Variants in CCDC192 observed in about 807,000 individuals in gnomAD.
CCDC192 encodes coiled-coil domain-containing protein 192.
At chr5:127,868,092 G>T (rs1751690862) in intron 5 of CCDC192, among the ~76,000 whole-genome samples, 1 of 144,088 alleles carries the variant, frequency 6.9e-6, no homozygotes, top group African/African-American at 2.6e-5. Flanking sequence ...CCCTGTCTAT[G>T]TATACTACAT....
At chr5:127,710,616 A>G (rs1384876347) in intron 2 of CCDC192, among the ~76,000 whole-genome samples, 1 of 152,210 alleles carries the variant, frequency 6.6e-6, no homozygotes, top group Non-Finnish European at 1.5e-5. Context: ...ATCATTTGAA[A>G]TAAAACAAAC....
chr5:127,868,187 G>C (rs1475752017), intron 5 of CCDC192, among the ~76,000 whole-genome samples: 1 of 151,904 alleles, frequency 6.6e-6, no homozygotes, highest in Non-Finnish European at 1.5e-5. Context: ...CGCTACTTCT[G>C]ATACTGGAAC....
chr5:127,784,849 G>A (rs1580653945), intron 3 of CCDC192: 1 of 455,914 alleles, frequency 2.2e-6, no homozygotes, highest in East Asian at 5.5e-5. Context: ...TTTTGTTTGT[G>A]TTTTCTTGTT....
intron 3 of CCDC192, among the ~76,000 whole-genome samples, chr5:127,754,994 G>C (rs1315729514): frequency 6.6e-6 from 1 of 152,130 alleles, no homozygotes; most frequent in Non-Finnish European, 1.5e-5. Context: ...TCAGACCAGG[G>C]CTGGAACATT....
intron 6 of CCDC192, among the ~76,000 whole-genome samples, chr5:127,878,080 C>T (rs184828776): frequency 1.7e-3 from 261 of 152,324 alleles, no homozygotes; most frequent in African/African-American, 5.2e-3. Flanking sequence ...GAAACGGTGT[C>T]ACTCACCTCT....
At position 127,803,941 on chromosome 5, in the gene CCDC192, G is replaced by T. The variant is rs562831913; in HGVS notation, c.411+5779G>T. 1.8e-4 allele frequency among the ~76,000 whole-genome samples: 27 copies of T among 152,292 alleles called. No individual in the cohort carries two copies. The South Asian group carries it at 5.0e-3, about 28-fold the overall frequency. Reference sequence around the variant, plus strand: ...AATGAATCGTACAGCATGCTTAAAAGTGTAGGACAGATGAGTGAATTTTGG... The same window carrying T: ...AATGAATCGTACAGCATGCTTAAAATTGTAGGACAGATGAGTGAATTTTGG... On this transcript the variant is annotated intron_variant, in intron 5 of 6. Coordinates refer to ENST00000514853, the MANE Select transcript of CCDC192 (RefSeq NM_001317938.2).
chr5:127,812,152 C>A (rs746900337), intron 5 of CCDC192, among the ~76,000 whole-genome samples: 4 of 152,234 alleles, frequency 2.6e-5, no homozygotes, highest in Admixed American at 6.5e-5. Context: ...TTTATAAAAT[C>A]CTTAGACTGG....
At chr5:127,843,052 T>TTC (rs1750363937) in intron 5 of CCDC192, among the ~76,000 whole-genome samples, 3 of 146,262 alleles carry the variant, frequency 2.1e-5, no homozygotes, top group Non-Finnish European at 4.5e-5. Context: ...TTTTTTTTTT[T>TTC]GAGATGGAGT....
chr5:127,925,609 GATAAAA>G (rs1023133430), intron 6 of CCDC192, among the ~76,000 whole-genome samples: 25 of 152,134 alleles, frequency 1.6e-4, no homozygotes, highest in African/African-American at 6.0e-4. Context: ...AAAAAAAGTT[GATAAAA>G]ATAAAGTTAG....
At chr5:127,719,524 T>C (rs372654071) in intron 2 of CCDC192, among the ~76,000 whole-genome samples, 46,074 of 87,500 alleles carry the variant, frequency 0.53, 9,548 homozygotes, top group East Asian at 0.58. Context: ...TATATATATA[T>C]ACACACATAC....
At chr5:127,716,475 T>G (rs1751628928) in intron 2 of CCDC192, among the ~76,000 whole-genome samples, 2 of 152,210 alleles carry the variant, frequency 1.3e-5, no homozygotes, top group African/African-American at 4.8e-5. Flanking sequence ...TTAGTTCTTC[T>G]TTAAATGTTT....
At chr5:127,716,459 T>C (rs1751627680) in intron 2 of CCDC192, among the ~76,000 whole-genome samples, 6 of 152,172 alleles carry the variant, frequency 3.9e-5, no homozygotes, top group Admixed American at 3.9e-4. Flanking sequence ...TCAAGAAGAA[T>C]TGATATTAGT....
chr5:127,785,079 A>C (rs1207684709), intron 3 of CCDC192: 1 of 513,996 alleles, frequency 1.9e-6, no homozygotes, highest in East Asian at 5.4e-5. Flanking sequence ...GCTGCTGTAC[A>C]GTGTAGGCAT....
chr5:127,897,176 G>T (rs554185559), intron 6 of CCDC192, among the ~76,000 whole-genome samples: 7 of 151,274 alleles, frequency 4.6e-5, no homozygotes, highest in Non-Finnish European at 1.0e-4. Context: ...ACTATTATTT[G>T]ATTCCATCTA....
intron 5 of CCDC192, among the ~76,000 whole-genome samples, chr5:127,799,376 T>C (rs1364515249): frequency 2.6e-5 from 4 of 152,196 alleles, no homozygotes; most frequent in Non-Finnish European, 4.4e-5. Flanking sequence ...TTGTCCAATA[T>C]TGAAAATGAC....
intron 6 of CCDC192, among the ~76,000 whole-genome samples, chr5:127,893,941 C>A (rs1752800113): frequency 6.6e-6 from 1 of 151,668 alleles, no homozygotes; most frequent in African/African-American, 2.4e-5. Context: ...CAAATTAAAA[C>A]TAAACTTTGG....
chr5:127,855,900 C>G (rs1751065763), intron 5 of CCDC192, among the ~76,000 whole-genome samples: 2 of 152,126 alleles, frequency 1.3e-5, no homozygotes, highest in African/African-American at 4.8e-5. Flanking sequence ...ACAGATGAAC[C>G]AGACTTTGTC....
intron 2 of CCDC192, among the ~76,000 whole-genome samples, chr5:127,715,009 A>G (rs987972637): frequency 3.3e-5 from 5 of 151,432 alleles, no homozygotes; most frequent in African/African-American, 1.2e-4. Context: ...GTATCCTTAT[A>G]TATTCTGGTT....
intron 3 of CCDC192, among the ~76,000 whole-genome samples, chr5:127,774,262 C>T (rs554016398): frequency 3.9e-5 from 6 of 152,144 alleles, no homozygotes; most frequent in African/African-American, 1.4e-4. Flanking sequence ...TCAATTTTGG[C>T]CAAGTCAAAT....
Sources: allele counts gnomAD v4.1 joint callset (sites outside exome capture counted in the v4.1 genomes callset), GRCh38; gene constraint gnomAD v4.1.1; transcripts MANE v1.5; gene names NCBI Gene and HGNC (gene_info 2026-07-23, HGNC 2026-07-21).